Variants in KCTD1 observed in about 807,000 individuals in gnomAD.
The protein encoded by KCTD1 is BTB/POZ domain-containing protein KCTD1.
In KCTD1, 24 loss-of-function variants were observed where a neutral mutation model predicts 66.0. The ratio of observed to expected loss-of-function variants is 0.36; its 90% confidence interval spans 0.26 to 0.51. KCTD1 has a LOEUF of 0.51. Ranked by LOEUF, KCTD1 falls within the 20% of genes least tolerant of loss-of-function variation. KCTD1 has a pLI of 0.95. For missense variants in KCTD1, 943 were observed against 1,205.2 expected (o/e 0.78, Z 3.22); for synonymous variants, 511 against 517.2 (o/e 0.99, Z 0.16).
chr18:26,515,907 T>A (rs1555637574), intron 1 of KCTD1, among the ~76,000 whole-genome samples: 1 of 152,192 alleles, frequency 6.6e-6, no homozygotes, highest in Non-Finnish European at 1.5e-5. Context: ...TCTTTGGTAT[T>A]GTTAAGAGCC....
intron 1 of KCTD1, among the ~76,000 whole-genome samples, chr18:26,611,689 T>A (rs2144994037): frequency 6.6e-6 from 1 of 152,304 alleles, no homozygotes; most frequent in Admixed American, 6.5e-5. Context: ...TAATTTAACA[T>A]CTGTGTTAGT....
rs1983124118 is a variant in KCTD1, at chr18:26,507,835, G to T, written c.1810-6585C>A. ...GACAGGCAGGCAGGACGATGACAAA[G>T]ATCAGAACACTGGCCACCTTTGGGA... On this transcript the variant is annotated intron_variant, in intron 1 of 4. Transcript: ENST00000580059. Among the ~76,000 whole-genome samples the T allele has an allele frequency of 3.3e-5, 5 of 152,286 alleles. No individual in the cohort carries two copies. In the South Asian group the frequency reaches 8.3e-4, roughly 25 times the overall value.
Position 26,505,385 on chromosome 18 carries a change from G to T in KCTD1, c.1810-4135C>A, listed in dbSNP as rs533594057. Among the ~76,000 whole-genome samples the T allele has an allele frequency of 3.9e-5, 6 of 152,350 alleles. No homozygotes were observed. In the East Asian group the frequency reaches 9.6e-4, roughly 24 times the overall value. ...CACACTGCTGAAGAAACAACTCAGA[G>T]TGCTGAAGACTATTTCGATTTCTGC... On this transcript the variant is annotated intron_variant, in intron 1 of 4. Coordinates refer to ENST00000580059, the MANE Select transcript of KCTD1 (RefSeq NM_001142730.3).
intron 1 of KCTD1, among the ~76,000 whole-genome samples, chr18:26,626,052 A>G (rs1366211783): frequency 6.6e-6 from 1 of 152,026 alleles, no homozygotes; most frequent in Non-Finnish European, 1.5e-5. Context: ...TTTTGCCACC[A>G]TGAGGTTTAG....
chr18:26,472,256 T>G (rs1981108930), intron 3 of KCTD1, among the ~76,000 whole-genome samples: 1 of 152,058 alleles, frequency 6.6e-6, no homozygotes, highest in Admixed American at 6.6e-5. Context: ...ATGAGGTGAT[T>G]TTCATATTGT....
intron 2 of KCTD1, among the ~76,000 whole-genome samples, chr18:26,497,843 G>A (rs998595314): frequency 1.3e-5 from 2 of 152,150 alleles, no homozygotes; most frequent in Non-Finnish European, 2.9e-5. Flanking sequence ...GTGACCGGCT[G>A]GGGTATTTAA....
intron 1 of KCTD1, among the ~76,000 whole-genome samples, chr18:26,621,548 G>T (rs1272087047): frequency 6.6e-6 from 1 of 152,104 alleles, no homozygotes; most frequent in African/African-American, 2.4e-5. Context: ...GGAGGGGAAG[G>T]CAGAGGAAAG....
intron 1 of KCTD1, among the ~76,000 whole-genome samples, chr18:26,654,910 C>T (rs1005484906): frequency 1.3e-5 from 2 of 152,226 alleles, no homozygotes; most frequent in Non-Finnish European, 1.5e-5. Context: ...GTTTTAGTTT[C>T]CTGAATATCA....
rs775125335 is a variant in KCTD1, at chr18:26,547,683, G to T, written c.854C>A (p.Thr285Lys). Reference sequence around the variant, plus strand: ...GTACAGCTTGCGCAGGTCGGCGCGCGTGATGGCTTGCTTCTGCACCACCGG... The same window carrying T: ...GTACAGCTTGCGCAGGTCGGCGCGCTTGATGGCTTGCTTCTGCACCACCGG... ...AGPVVQKQAI[T>K]RADLRKLYTS... Residue 285 changes from threonine to lysine, a missense_variant, in exon 1 of 5, where the codon ACG (threonine) becomes AAG (lysine). Transcript: ENST00000580059. 6 of 1,551,046 alleles carry T rather than the reference G, an allele frequency of 3.9e-6. No individual in the cohort carries two copies. In the South Asian group the frequency reaches 7.1e-5, roughly 18 times the overall value.
At chr18:26,472,277 C>A (rs1163574956) in intron 3 of KCTD1, among the ~76,000 whole-genome samples, 3 of 151,988 alleles carry the variant, frequency 2.0e-5, no homozygotes, top group Non-Finnish European at 4.4e-5. Flanking sequence ...ACTAACCAAA[C>A]CTTCTCCTGA....
chr18:26,656,323 C>A (rs1056186918), intron 1 of KCTD1, among the ~76,000 whole-genome samples: 1 of 152,236 alleles, frequency 6.6e-6, no homozygotes, highest in African/African-American at 2.4e-5. Context: ...GCGCCGCCCC[C>A]ACCCCCTCCC....
chr18:26,493,410 GGA>G (rs201623401), intron 2 of KCTD1, among the ~76,000 whole-genome samples: 1 of 141,612 alleles, frequency 7.1e-6, no homozygotes, highest in African/African-American at 2.5e-5. Context: ...TTTTTTGGGG[GGA>G]AAAACATGTA....
intron 1 of KCTD1, chr18:26,655,712 G>C (rs1988118619): frequency 6.6e-6 from 1 of 152,290 alleles, no homozygotes; most frequent in African/African-American, 2.4e-5. Flanking sequence ...CACTGAAAAC[G>C]TTTTGATACC....
intron 1 of KCTD1, among the ~76,000 whole-genome samples, chr18:26,512,871 C>T (rs557582805): frequency 6.6e-6 from 1 of 152,134 alleles, no homozygotes; most frequent in East Asian, 1.9e-4. Context: ...GTCCCAGCTA[C>T]TCGGGAGGCT....
chr18:26,633,636 T>G (rs997189820), upstream of KCTD1, among the ~76,000 whole-genome samples: 5 of 152,180 alleles, frequency 3.3e-5, no homozygotes, highest in Non-Finnish European at 7.3e-5. Flanking sequence ...AGAATGTACT[T>G]ATATCATATA....
At chr18:26,599,559 A>G in intron 1 of KCTD1, 1 of 1,508,244 alleles carries the variant, frequency 6.6e-7, no homozygotes, top group East Asian at 2.3e-5. Flanking sequence ...CAGCTGTTGC[A>G]GTCTGCCCAC....
chr18:26,550,565 G>GACACACACACACAC (rs60922405), upstream of KCTD1, among the ~76,000 whole-genome samples: 764 of 140,552 alleles, frequency 5.4e-3, 4 homozygotes, highest in African/African-American at 0.012. The surrounding 1 kb of genome is among the most constrained non-coding windows in gnomAD (Gnocchi z 5.4). Flanking sequence ...AAGACACACA[G>GACACACACACACAC]ACACACACAC....
intron 1 of KCTD1, among the ~76,000 whole-genome samples, chr18:26,572,589 G>C (rs529136333): frequency 6.6e-6 from 1 of 152,304 alleles, no homozygotes; most frequent in African/African-American, 2.4e-5. Context: ...AAATCAATCA[G>C]TGTGTGGGGT....
chr18:26,525,921 C>T (rs1361629098), intron 1 of KCTD1, among the ~76,000 whole-genome samples: 2 of 152,096 alleles, frequency 1.3e-5, no homozygotes, highest in African/African-American at 4.8e-5. Flanking sequence ...CCCTTTCTGT[C>T]CATCTCATTC....
Sources: gnomAD v4.1 joint callset for allele counts (sites outside exome capture counted in the v4.1 genomes callset) on GRCh38, gnomAD v4.1.1 for gene constraint, Gnocchi (gnomAD v3.1) non-coding constraint, MANE v1.5 for transcripts, NCBI Gene and HGNC (gene_info 2026-07-23, HGNC 2026-07-21) for gene names.